GLIS3: variants seen among roughly 807,000 people sequenced by gnomAD.
The protein encoded by GLIS3 is zinc finger protein GLIS3.
GLIS3 carries 53 observed loss-of-function variants against 78.6 expected under a neutral mutation model. The observed-to-expected ratio is 0.67, with a 90% CI of 0.54 to 0.85. GLIS3 has a LOEUF of 0.85. Among genes scored for constraint, GLIS3 ranks in the 40% least tolerant of loss-of-function variants. The pLI is 0.00. For missense variants in GLIS3, 1,703 were observed against 1,231.1 expected (o/e 1.38, Z -5.74); for synonymous variants, 684 against 509.9 (o/e 1.34, Z -4.60).
chr9:3,828,538 C>A, intron 10 of GLIS3, 130 bp from the exon 11 acceptor site: 1 of 1,165,848 alleles, frequency 8.6e-7, no homozygotes, highest in Non-Finnish European at 1.2e-6. Context: ...CAGCCTGGGC[C>A]CTATAGTGAG....
In GLIS3 at chr9:3,935,978, G is replaced by C. The variant is rs527750907; in HGVS notation, c.1872+1050C>G. Reference sequence around the variant, plus strand: ...ATGACTTCTATGAATATGACTAATAGAGACTAATATAAAATTTAATAAATA... The same window carrying C: ...ATGACTTCTATGAATATGACTAATACAGACTAATATAAAATTTAATAAATA... On this transcript the variant is annotated intron_variant, in intron 5 of 10. Coordinates refer to ENST00000381971, the MANE Select transcript of GLIS3 (RefSeq NM_001042413.2). Among the ~76,000 whole-genome samples, 6 of 152,276 alleles carry C rather than the reference G, an allele frequency of 3.9e-5. No homozygotes were observed. In the South Asian group the frequency reaches 1.2e-3, roughly 32 times the overall value.
At chr9:4,388,244 A>G in the GLIS3 span, among the ~76,000 whole-genome samples, 1 of 152,352 alleles carries the variant, frequency 6.6e-6, no homozygotes, top group South Asian at 2.1e-4. Context: ...CAAGCAAAAA[A>G]TATTAAAAGA....
chr9:3,874,757 C>T lies in GLIS3; in HGVS notation c.2297+4670G>A, dbSNP rs149684206. ...ACCCCCACACAGTTGGTCACAGAAA[C>T]GTTTTGTGTTGATTATTGTTGAGTG... On this transcript the variant is annotated intron_variant, in intron 8 of 10. Coordinates refer to ENST00000381971, the MANE Select transcript of GLIS3 (RefSeq NM_001042413.2). Among the ~76,000 whole-genome samples, 13 of 152,304 alleles carry T rather than the reference C, an allele frequency of 8.5e-5. No individual in the cohort carries two copies. In the East Asian group the frequency reaches 1.7e-3, roughly 20 times the overall value.
At chr9:4,152,526 C>T (rs1223125157) in intron 2 of GLIS3, among the ~76,000 whole-genome samples, 1 of 152,140 alleles carries the variant, frequency 6.6e-6, no homozygotes, top group Non-Finnish European at 1.5e-5. Context: ...CTTCTCTAGG[C>T]CTCAGATTTA....
chr9:4,042,359 T>G (rs1248671702), intron 4 of GLIS3, among the ~76,000 whole-genome samples: 2 of 152,224 alleles, frequency 1.3e-5, no homozygotes, highest in Admixed American at 6.5e-5. Flanking sequence ...AAACATAGAC[T>G]AAACCTAAGC....
chr9:3,867,211 C>G (rs1794535769), intron 8 of GLIS3, among the ~76,000 whole-genome samples: 2 of 152,126 alleles, frequency 1.3e-5, no homozygotes, highest in African/African-American at 2.4e-5. Context: ...GTCGGGGAAG[C>G]CAGTTTAGCA....
rs546130000 is a variant in GLIS3 at position 4,132,144 on chromosome 9, A to G, written c.389-6203T>C. 5.9e-5 allele frequency among the ~76,000 whole-genome samples: 9 copies of G among 152,036 alleles called. 1 individual carries two copies. The highest frequency in any genetic ancestry group is 2.2e-4 in the African/African-American group (9 of 41,504). Reference sequence around the variant, plus strand: ...ACTTTTCTGACTACCAGATGTGCCAATGACTTGTGCACTGGTTTTCATTTT... The same window carrying G: ...ACTTTTCTGACTACCAGATGTGCCAGTGACTTGTGCACTGGTTTTCATTTT... On this transcript the variant is annotated intron_variant, in intron 2 of 10. Transcript: ENST00000381971.
chr9:4,460,371 T>A, the GLIS3 span, among the ~76,000 whole-genome samples: 1 of 152,204 alleles, frequency 6.6e-6, no homozygotes, highest in Non-Finnish European at 1.5e-5. Context: ...GAAAATGTAG[T>A]GAATGAACTC....
exon 2 of GLIS3, chr9:4,347,181 G>C (rs1225559106): frequency 6.6e-6 from 1 of 152,290 alleles, no homozygotes; most frequent in Non-Finnish European, 1.5e-5. Context: ...AAGAGAAGCA[G>C]GCCTGTGCAG....
chr9:4,091,038 G>T (rs1337116174), intron 4 of GLIS3, among the ~76,000 whole-genome samples: 1 of 152,144 alleles, frequency 6.6e-6, no homozygotes, highest in Non-Finnish European at 1.5e-5. Flanking sequence ...CCATTAAGTT[G>T]TTGCAAGTAA....
the GLIS3 span, among the ~76,000 whole-genome samples, chr9:4,403,567 G>A: frequency 4.3e-4 from 66 of 152,162 alleles, no homozygotes; most frequent in African/African-American, 1.3e-3. Flanking sequence ...AAAAGCAGGG[G>A]AACAAAGTTA....
Position 4,117,915 on chromosome 9 carries a change from G to C in GLIS3, c.1563C>G (p.Ile521Met). The change falls in exon 4 of 11, where the codon ATC (isoleucine) becomes ATG (methionine). Residue 521 changes from isoleucine (I) to methionine (M), a missense_variant. Transcript: ENST00000381971. ...YDQQEELVRH[I>M]EKVHIDQRKG... ...TGCGCTGGTCGATGTGGACCTTCTC[G>C]ATGTGCCGCACGAGCTCCTCCTGCT... 1.9e-6 allele frequency: 3 copies of C among 1,614,152 alleles called. No homozygotes were observed. The highest frequency in any genetic ancestry group is 2.5e-6 in the Non-Finnish European group (3 of 1,180,036).
chr9:4,409,892 T>C, the GLIS3 span, among the ~76,000 whole-genome samples: 287 of 152,332 alleles, frequency 1.9e-3, no homozygotes, highest in African/African-American at 6.8e-3. Context: ...TCCAAATGCC[T>C]ATAAGTTATT....
At chr9:4,317,216 G>A (rs565461226) in intron 2 of GLIS3, among the ~76,000 whole-genome samples, 1 of 152,314 alleles carries the variant, frequency 6.6e-6, no homozygotes, top group African/African-American at 2.4e-5. Flanking sequence ...CAGAAATGAG[G>A]TGGAGATCAA....
At chr9:3,847,177 C>G (rs1169333803) in intron 9 of GLIS3, among the ~76,000 whole-genome samples, 1 of 151,538 alleles carries the variant, frequency 6.6e-6, no homozygotes, top group East Asian at 1.9e-4. Flanking sequence ...GAATGAGACT[C>G]TGTTTCAGAA....
At chr9:4,291,237 TAA>T (rs1044208007) in intron 1 of GLIS3, among the ~76,000 whole-genome samples, 10 of 152,114 alleles carry the variant, frequency 6.6e-5, no homozygotes, top group African/African-American at 2.2e-4. Flanking sequence ...TAAGACGAAA[TAA>T]AAGAGGTTTT....
the GLIS3 span, among the ~76,000 whole-genome samples, chr9:4,485,078 C>G: frequency 0.013 from 1,961 of 151,712 alleles, 46 homozygotes; most frequent in African/African-American, 0.045. Context: ...GCAGTGGAGC[C>G]ATCTCGGCTC....
intron 4 of GLIS3, among the ~76,000 whole-genome samples, chr9:4,056,550 C>T (rs975875541): frequency 4.6e-5 from 7 of 151,854 alleles, no homozygotes; most frequent in Non-Finnish European, 1.0e-4. Context: ...AGACTTTCTA[C>T]GAAGCCAGAC....
chr9:3,990,843 G>A (rs1820175991), intron 4 of GLIS3, among the ~76,000 whole-genome samples: 1 of 152,116 alleles, frequency 6.6e-6, no homozygotes, highest in Admixed American at 6.5e-5. Flanking sequence ...TGACAGAACT[G>A]ATTTTCTCCC....
Sources: allele counts gnomAD v4.1 joint callset (sites outside exome capture counted in the v4.1 genomes callset), GRCh38; gene constraint gnomAD v4.1.1; transcripts MANE v1.5; gene names NCBI Gene and HGNC (gene_info 2026-07-23, HGNC 2026-07-21).